MLLT3: variants seen among roughly 807,000 people sequenced by gnomAD.
The protein encoded by MLLT3 is protein AF-9.
MLLT3 carries 4 observed loss-of-function variants against 53.2 expected under a neutral mutation model. That is an observed-to-expected ratio of 0.08 (90% CI 0.04 to 0.17). MLLT3 has a LOEUF of 0.17. Ranked by LOEUF, MLLT3 falls within the 10% of genes least tolerant of loss-of-function variation. MLLT3 has a pLI of 1.00. For missense variants in MLLT3, 569 were observed against 684.0 expected (o/e 0.83, Z 1.87); for synonymous variants, 283 against 230.6 (o/e 1.23, Z -2.06).
At chr9:20,422,919 TA>T (rs1290568389) in intron 4 of MLLT3, among the ~76,000 whole-genome samples, 1 of 152,230 alleles carries the variant, frequency 6.6e-6, no homozygotes, top group Non-Finnish European at 1.5e-5. Context: ...GTAGAAGTTT[TA>T]TCATTATTAA....
chr9:20,617,504 G>A (rs1820861567), intron 2 of MLLT3, among the ~76,000 whole-genome samples: 1 of 152,040 alleles, frequency 6.6e-6, no homozygotes, highest in African/African-American at 2.4e-5. Context: ...TAGTAAGGAT[G>A]GCTGTAACTG....
intron 2 of MLLT3, among the ~76,000 whole-genome samples, chr9:20,472,431 T>G (rs1463690302): frequency 1.3e-5 from 2 of 151,978 alleles, no homozygotes; most frequent in Non-Finnish European, 2.9e-5. Flanking sequence ...ATGAATGAAA[T>G]AAGGGCTTAT....
chr9:20,602,186 G>A (rs1279872810), intron 2 of MLLT3, among the ~76,000 whole-genome samples: 1 of 152,026 alleles, frequency 6.6e-6, no homozygotes, highest in Non-Finnish European at 1.5e-5. Context: ...CCGCTAACTC[G>A]TATGGCTATT....
At chr9:20,574,746 C>T (rs371928737) in intron 2 of MLLT3, among the ~76,000 whole-genome samples, 16 of 152,120 alleles carry the variant, frequency 1.1e-4, no homozygotes, top group African/African-American at 3.9e-4. Flanking sequence ...GTGGCAACTT[C>T]TGGAAATATG....
intron 2 of MLLT3, among the ~76,000 whole-genome samples, chr9:20,537,923 A>C (rs143705123): frequency 3.1e-3 from 478 of 152,320 alleles, no homozygotes; most frequent in Non-Finnish European, 4.9e-3. Context: ...AAAACTAATT[A>C]CAAATCAGAA....
chr9:20,610,472 G>A (rs960211549), intron 2 of MLLT3, among the ~76,000 whole-genome samples: 2 of 152,144 alleles, frequency 1.3e-5, no homozygotes, highest in African/African-American at 2.4e-5. Flanking sequence ...TCAATTATTA[G>A]AGGTGCAGAA....
At chr9:20,579,734 T>C (rs191741567) in intron 2 of MLLT3, among the ~76,000 whole-genome samples, 2 of 152,282 alleles carry the variant, frequency 1.3e-5, no homozygotes, top group African/African-American at 4.8e-5. Flanking sequence ...TTTTACTCAC[T>C]ACTAAGTCCA....
At chr9:20,490,897 A>G (rs1824932257) in intron 2 of MLLT3, among the ~76,000 whole-genome samples, 2 of 152,310 alleles carry the variant, frequency 1.3e-5, no homozygotes, top group South Asian at 2.1e-4. Context: ...AGTAATGACT[A>G]GAGTGGTTTA....
chr9:20,589,812 G>A (rs1373326669), intron 2 of MLLT3, among the ~76,000 whole-genome samples: 1 of 151,416 alleles, frequency 6.6e-6, no homozygotes, highest in Non-Finnish European at 1.5e-5. Flanking sequence ...CTGAGTTCCA[G>A]TGATTCTTCT....
At chr9:20,531,060 A>G (rs1818320109) in intron 2 of MLLT3, among the ~76,000 whole-genome samples, 1 of 151,068 alleles carries the variant, frequency 6.6e-6, no homozygotes, top group Non-Finnish European at 1.5e-5. Flanking sequence ...ATCCAAGAAT[A>G]ATCCAGTTTT....
intron 2 of MLLT3, among the ~76,000 whole-genome samples, chr9:20,540,548 CT>C (rs1329492178): frequency 6.6e-6 from 1 of 152,230 alleles, no homozygotes; most frequent in Non-Finnish European, 1.5e-5. Context: ...ACCTTGGCCC[CT>C]TTTAGCCATG....
intron 2 of MLLT3, among the ~76,000 whole-genome samples, chr9:20,473,849 AAAT>A (rs764554297): frequency 2.6e-5 from 4 of 152,154 alleles, no homozygotes; most frequent in Non-Finnish European, 5.9e-5. Context: ...TACAATACAT[AAAT>A]AATTATTATG....
Position 20,346,476 on chromosome 9 carries a change from T to C in MLLT3, c.1674A>G (p.Leu558=), listed in dbSNP as rs1379746038. The change falls in exon 11 of 11, where the codon CTA becomes CTG. Residue 558 remains leucine, a synonymous_variant. Transcript: ENST00000380338. ...TTCCAGATGTTTCCAGGTAACTCTG[T>C]AGTTTACGGACTGTGGTTTTGTCCA... ...CSLDKTTVRK[L]QSYLETSGTS is the part of the protein sequence containing the mutation. The C allele has an allele frequency of 1.2e-5, 20 of 1,613,510 alleles. No homozygotes were observed. The highest frequency in any genetic ancestry group is 2.2e-5 in the East Asian group (1 of 44,866).
intron 4 of MLLT3, among the ~76,000 whole-genome samples, chr9:20,440,040 C>A (rs1225604544): frequency 6.6e-6 from 1 of 151,832 alleles, no homozygotes; most frequent in Non-Finnish European, 1.5e-5. Context: ...TATGGTTTAA[C>A]CAAAAATATA....
intron 4 of MLLT3, among the ~76,000 whole-genome samples, chr9:20,447,663 T>C (rs1823738127): frequency 6.6e-6 from 1 of 152,182 alleles, no homozygotes; most frequent in Non-Finnish European, 1.5e-5. Flanking sequence ...AAAATGTCTA[T>C]TTAAATGACC....
chr9:20,567,170 C>A (rs1587077826), intron 2 of MLLT3, among the ~76,000 whole-genome samples: 1 of 108,976 alleles, frequency 9.2e-6, no homozygotes, highest in South Asian at 3.3e-4. Context: ...GAAATGTTAT[C>A]ACTCAAAGTC....
rs1451698261 is a variant in MLLT3, at chr9:20,448,213, G to T, written c.330C>A (p.Gly110=). The T allele has an allele frequency of 6.2e-7, 1 of 1,613,520 alleles. No homozygotes were observed. Among genetic ancestry groups the T allele is most frequent in the Non-Finnish European group, 8.5e-7 (1 of 1,179,666 alleles). Residue 110 remains glycine (G), a synonymous_variant, in exon 4 of 11, where the codon GGC becomes GGA. Transcript: ENST00000380338. This position sits in a 1 kb window ranked among gnomAD's most constrained non-coding sequence, Gnocchi z 4.0. The part of the protein sequence containing the change: ...FDYDLFLHLE[G]HPPVNHLRCE... ...AGCGGAGGTGATTCACTGGTGGATGGCCTTCAAGATGCAGGAATAAGTCAT... is the reference window on the plus strand; with the variant it reads ...AGCGGAGGTGATTCACTGGTGGATGTCCTTCAAGATGCAGGAATAAGTCAT...
At chr9:20,387,243 C>T (rs1015098672) in intron 5 of MLLT3, among the ~76,000 whole-genome samples, 1 of 152,180 alleles carries the variant, frequency 6.6e-6, no homozygotes, top group Non-Finnish European at 1.5e-5. Context: ...AAACAAGTGG[C>T]ATGGCTGTGT....
At chr9:20,496,375 G>T (rs768176404) in intron 2 of MLLT3, among the ~76,000 whole-genome samples, 4 of 151,988 alleles carry the variant, frequency 2.6e-5, no homozygotes, top group Admixed American at 6.6e-5. Context: ...TGTTTATATT[G>T]TAATCAGCCC....
Sources: gnomAD v4.1 joint callset for allele counts (sites outside exome capture counted in the v4.1 genomes callset) on GRCh38, gnomAD v4.1.1 for gene constraint, Gnocchi (gnomAD v3.1) non-coding constraint, MANE v1.5 for transcripts, NCBI Gene and HGNC (gene_info 2026-07-23, HGNC 2026-07-21) for gene names.